The following ACOT9 variants were observed in gnomAD, a reference collection of about 807,000 sequenced individuals.
The protein encoded by ACOT9 is acyl-coenzyme A thioesterase 9, mitochondrial.
A neutral mutation model predicts 39.7 loss-of-function variants in ACOT9; 34 were observed. The ratio of observed to expected loss-of-function variants is 0.86; its 90% CI spans 0.65 to 1.14. The LOEUF (loss-of-function observed/expected upper bound fraction) is 1.14, where lower values mean the gene tolerates loss of function less well. Among genes scored for constraint, ACOT9 ranks in the 50% most tolerant of loss-of-function variants. The pLI is 0.00. For synonymous variants in ACOT9, 110 were observed against 120.5 expected (o/e 0.91, Z 0.57); for missense variants, 313 against 344.1 (o/e 0.91, Z 0.71).
At chrX:23,742,213 T>TGAGTGAGAGAGAGAGAGA (rs1555941896) in intron 1 of ACOT9, among the ~76,000 whole-genome samples, 3 of 68,910 alleles carry the variant, frequency 4.4e-5, no homozygotes, top group African/African-American at 7.5e-5. Flanking sequence ...AGTGAGTGAG[T>TGAGTGAGAGAGAGAGAGA]GAGAGAGAGA....
chrX:23,710,018 G>A (rs778235122), intron 9 of ACOT9, among the ~76,000 whole-genome samples: 41 of 111,277 alleles, frequency 3.7e-4, no homozygotes, highest in East Asian at 2.3e-3. Flanking sequence ...CTCCCACATC[G>A]TCTGGGACTA....
At chrX:23,723,270 G>A (rs1440505156) in intron 6 of ACOT9, among the ~76,000 whole-genome samples, 2 of 111,604 alleles carry the variant, frequency 1.8e-5, no homozygotes. Context: ...GCATTTATAT[G>A]TGCCATGCAT....
At chrX:23,708,037 T>C in intron 9 of ACOT9, 93 bp from the exon 10 acceptor site, 1 of 820,337 alleles carries the variant, frequency 1.2e-6, no homozygotes, top group Non-Finnish European at 1.7e-6. Context: ...TTAAAGAATC[T>C]GCTTTTCATT....
chrX:23,730,962 T>C lies in ACOT9; in HGVS notation c.216A>G (p.Glu72=), dbSNP rs773202757. Residue 72 remains glutamate, a synonymous_variant, in exon 5 of 16, where the codon GAA becomes GAG. Coordinates refer to ENST00000379303, the MANE Select transcript of ACOT9 (RefSeq NM_001037171.2). ...NWRDHVKAME[E]RKLLHSFLAK... is the part of the protein sequence containing the mutation. ...CCAAGAAACTATGAAGTAATTTCCT[T>C]TCTTCCATTGCCTTCACATGGTCTC... 4.1e-6 allele frequency: 5 copies of C among 1,208,897 alleles called. No individual in the cohort carries two copies. The highest frequency in any genetic ancestry group is 5.6e-6 in the Non-Finnish European group (5 of 894,584).
intron 3 of ACOT9, 22 bp from the exon 4 acceptor site, chrX:23,733,239 C>A: frequency 8.4e-7 from 1 of 1,195,431 alleles, no homozygotes; most frequent in Non-Finnish European, 1.1e-6. Flanking sequence ...ATAAAGAGGT[C>A]ATTCCATGAA....
At chrX:23,730,684 ACT>A (rs1255069995) in intron 5 of ACOT9, 120 bp from the exon 6 acceptor site, 5 of 953,051 alleles carry the variant, frequency 5.2e-6, no homozygotes, top group Admixed American at 2.5e-5. Context: ...TGGATGCACA[ACT>A]CTCTAAATAT....
At chrX:23,719,990 A>G (rs1240878978) in intron 8 of ACOT9, among the ~76,000 whole-genome samples, 3 of 104,138 alleles carry the variant, frequency 2.9e-5, no homozygotes, top group African/African-American at 6.7e-5. Context: ...ACCCGCCACC[A>G]CGCCCGGCTA....
Position 23,721,775 on chromosome X carries a change from A to G in ACOT9, c.588+106T>C, listed in dbSNP as rs189359235. On this transcript the variant is annotated intron_variant, in intron 8 of 15. Coordinates refer to ENST00000379303, the MANE Select transcript of ACOT9 (RefSeq NM_001037171.2). ...AGCTTTCAACTGTTTTTCTAGAAGC[A>G]GTGAGCAACATACCTGTCTACAGAT... is the stretch of plus-strand genomic sequence containing the variant. 4 of 566,381 alleles carry G rather than the reference A, an allele frequency of 7.1e-6. No individual in the cohort carries two copies. In the African/African-American group the frequency reaches 9.3e-5, roughly 13 times the overall value. 46.7% of individuals were successfully genotyped at this position (566,381 alleles called of 1,213,427 possible).
rs368644186 is a variant in ACOT9 at position 23,704,768 on chromosome X, G to A, written c.1184C>T (p.Thr395Ile). Residue 395 changes from threonine (T) to isoleucine (I), a missense_variant, in exon 15 of 16, where the codon ACA (threonine) becomes ATA (isoleucine). Transcript: ENST00000379303. ...CGTGAAATGAAAGACATTGGTGGTT[G>A]TATGCTGCTTCTCCTGCAGGGAGGC... ...EVASLQEKQH[T>I]TTNVFHFTFM... The A allele has an allele frequency of 6.7e-5, 81 of 1,209,023 alleles. No individual in the cohort carries two copies. The highest frequency in any genetic ancestry group is 8.7e-5 in the Non-Finnish European group (78 of 894,206).
At chrX:23,713,316 G>T in intron 8 of ACOT9, 108 bp from the exon 9 acceptor site, 1 of 598,332 alleles carries the variant, frequency 1.7e-6, no homozygotes, top group Non-Finnish European at 2.7e-6. Context: ...AGTCGCTCAC[G>T]CCTATAATCC....
At position 23,721,757 on chromosome X, in the gene ACOT9, A is replaced by C. The variant is rs185034202; in HGVS notation, c.588+124T>G. On this transcript the variant is annotated intron_variant, in intron 8 of 15. Coordinates refer to ENST00000379303, the MANE Select transcript of ACOT9 (RefSeq NM_001037171.2). Reference sequence around the variant, plus strand: ...CACCATCCATATGACATGAGCTTTCAACTGTTTTTCTAGAAGCAGTGAGCA... The same window carrying C: ...CACCATCCATATGACATGAGCTTTCCACTGTTTTTCTAGAAGCAGTGAGCA... 22 of 484,323 alleles carry C rather than the reference A, an allele frequency of 4.5e-5. No individual in the cohort carries two copies. The African/African-American group carries it at 4.6e-4, about 10-fold the overall frequency. The allele number at this position is 484,323 out of a possible 1,213,427, so 39.9% of individuals were successfully genotyped here. A position where few individuals can be genotyped will look rare whatever the true frequency, so the allele number is the denominator to read the frequency against.
At chrX:23,738,348 C>T (rs1403678305) in intron 1 of ACOT9, among the ~76,000 whole-genome samples, 2 of 109,280 alleles carry the variant, frequency 1.8e-5, no homozygotes, top group Non-Finnish European at 3.8e-5. Context: ...GTGGCTCATG[C>T]CTGTAATCCT....
chrX:23,709,422 A>C (rs1928819176), intron 9 of ACOT9, among the ~76,000 whole-genome samples: 1 of 111,726 alleles, frequency 9.0e-6, no homozygotes, highest in South Asian at 3.7e-4. Flanking sequence ...AATTGAAACA[A>C]CAGCTTGGGA....
chrX:23,701,670 CTA>C lies in ACOT9; in HGVS notation c.*2222_*2223del, dbSNP rs1358938351. Among the ~76,000 whole-genome samples the C allele has an allele frequency of 9.0e-6, 1 of 111,341 alleles. No homozygotes were observed. Among genetic ancestry groups the C allele is most frequent in the Non-Finnish European group, 1.9e-5 (1 of 52,999 alleles). On this transcript the variant is annotated 3_prime_UTR_variant, in exon 16 of 16. Transcript: ENST00000379303. ...AACTTTTTGTAGAGAAAGGGTCTCA[CTA>C]TGTTTCCCAGGCTGGTCTCAAGCGA...
At chrX:23,734,840 G>C (rs1417786026) in intron 2 of ACOT9, among the ~76,000 whole-genome samples, 1 of 108,404 alleles carries the variant, frequency 9.2e-6, no homozygotes, top group African/African-American at 3.4e-5. Context: ...ACAAAGATTA[G>C]CCTGGCATGG....
chrX:23,706,759 G>C lies in ACOT9; in HGVS notation c.731-20C>G. 9.7e-7 allele frequency: 1 copy of C among 1,027,128 alleles called. No individual in the cohort carries two copies. The highest frequency in any genetic ancestry group is 1.4e-6 in the Non-Finnish European group (1 of 738,327). 84.6% of individuals were successfully genotyped at this position (1,027,128 alleles called of 1,213,427 possible). A position where few individuals can be genotyped will look rare whatever the true frequency, so the allele number is the denominator to read the frequency against. On this transcript the variant is annotated intron_variant, in intron 10 of 15. Transcript: ENST00000379303. Reference sequence around the variant, plus strand: ...TGTTCACTGGAACAAGGGAGAATAAGGAGCAATGATCAGGACGGTCGCACT... The same window carrying C: ...TGTTCACTGGAACAAGGGAGAATAACGAGCAATGATCAGGACGGTCGCACT...
intron 6 of ACOT9, among the ~76,000 whole-genome samples, chrX:23,725,362 G>A (rs764173424): frequency 4.7e-5 from 5 of 105,916 alleles, no homozygotes; most frequent in Non-Finnish European, 9.7e-5. Context: ...TCCCAGCTAC[G>A]TCGAAAGCTG....
At chrX:23,742,199 G>A (rs1411200790) in intron 1 of ACOT9, among the ~76,000 whole-genome samples, 2 of 45,337 alleles carry the variant, frequency 4.4e-5, no homozygotes, top group African/African-American at 1.3e-4. Context: ...AAGTCCCCAG[G>A]AACAGTGAGT....
chrX:23,734,463 T>G (rs1309412798), intron 2 of ACOT9, 96 bp from the exon 3 acceptor site: 4 of 749,778 alleles, frequency 5.3e-6, no homozygotes, highest in Non-Finnish European at 7.8e-6. Flanking sequence ...TGAGTTTATG[T>G]GTTTTTCCTA....
Sources: gnomAD v4.1 joint callset for allele counts (sites outside exome capture counted in the v4.1 genomes callset) on GRCh38, gnomAD v4.1.1 for gene constraint, MANE v1.5 for transcripts, NCBI Gene and HGNC (gene_info 2026-07-23, HGNC 2026-07-21) for gene names.